NCK2: variants seen among roughly 807,000 people sequenced by gnomAD.
NCK2 encodes cytoplasmic protein NCK2.
NCK2 carries 16 observed loss-of-function variants against 33.9 expected under a neutral mutation model. The observed-to-expected ratio is 0.47, with a 90% CI of 0.32 to 0.72. The LOEUF is 0.72. Ranked by LOEUF, NCK2 falls within the 30% of genes least tolerant of loss-of-function variation. NCK2 has a pLI of 0.03. For synonymous variants in NCK2, 273 were observed against 239.9 expected, an observed-to-expected ratio of 1.14 and a Z score of -1.27; for missense variants, 418 against 537.3, an observed-to-expected ratio of 0.78 and a Z score of 2.19.
chr2:105,764,342 A>G (rs2104362240), intron 1 of NCK2, among the ~76,000 whole-genome samples: 1 of 152,378 alleles, frequency 6.6e-6, no homozygotes, highest in East Asian at 1.9e-4. Flanking sequence ...CCACAGCTCG[A>G]GTGGAAATGC....
chr2:105,850,058 G>A (rs1314091751), intron 2 of NCK2, among the ~76,000 whole-genome samples: 2 of 152,138 alleles, frequency 1.3e-5, no homozygotes, highest in Non-Finnish European at 2.9e-5. Context: ...TCTCTCCTGA[G>A]CATCAGAAGT....
chr2:105,855,314 G>A, intron 3 of NCK2, 25 bp downstream of exon 3: 1 of 1,539,276 alleles, frequency 6.5e-7, no homozygotes, highest in Non-Finnish European at 8.9e-7. Context: ...CTCGAGAGAG[G>A]AAGCCTTGTG....
At chr2:105,754,687 T>C (rs1689552386) in intron 1 of NCK2, among the ~76,000 whole-genome samples, 1 of 152,118 alleles carries the variant, frequency 6.6e-6, no homozygotes, top group Middle Eastern at 3.4e-3. Flanking sequence ...ACTTTTTTTT[T>C]TTTTTTTTAA....
intron 1 of NCK2, among the ~76,000 whole-genome samples, chr2:105,801,362 C>T (rs1674829094): frequency 1.3e-5 from 2 of 152,142 alleles, no homozygotes; most frequent in Admixed American, 1.3e-4. Flanking sequence ...GGCTTGCCTC[C>T]CCCCTTCCCC....
chr2:105,789,969 G>A (rs945422395), intron 1 of NCK2, among the ~76,000 whole-genome samples: 1 of 152,222 alleles, frequency 6.6e-6, no homozygotes, highest in Non-Finnish European at 1.5e-5. Flanking sequence ...CTGCCTGGAG[G>A]GGGCAGGGTA....
At chr2:105,856,138 A>G (rs1573209684) in intron 3 of NCK2, among the ~76,000 whole-genome samples, 2 of 152,140 alleles carry the variant, frequency 1.3e-5, no homozygotes, top group Admixed American at 1.3e-4. Context: ...CCGGCTCCCC[A>G]TGTGCCTCTT....
At chr2:105,882,691 G>T (rs1678556227) in intron 4 of NCK2, among the ~76,000 whole-genome samples, 1 of 152,130 alleles carries the variant, frequency 6.6e-6, no homozygotes, top group African/African-American at 2.4e-5. Flanking sequence ...TCAGCGGTGG[G>T]CAGGCTGGGG....
At chr2:105,826,706 A>G (rs1675958478) in intron 2 of NCK2, among the ~76,000 whole-genome samples, 1 of 152,124 alleles carries the variant, frequency 6.6e-6, no homozygotes, top group Non-Finnish European at 1.5e-5. Context: ...CTTCTCTCTC[A>G]ATTCCAAGTT....
chr2:105,855,358 G>T (rs1677217635), intron 3 of NCK2, 69 bp downstream of exon 3: 7 of 1,083,878 alleles, frequency 6.5e-6, no homozygotes, highest in Non-Finnish European at 8.6e-6. Flanking sequence ...TTTCTAGTTA[G>T]TTTGCTGTTT....
At chr2:105,832,218 T>C (rs1040058467) in intron 2 of NCK2, among the ~76,000 whole-genome samples, 2 of 152,244 alleles carry the variant, frequency 1.3e-5, no homozygotes. Context: ...TTTTTGTATG[T>C]TGATTTTAGT....
chr2:105,809,826 G>A (rs900819584), intron 1 of NCK2, among the ~76,000 whole-genome samples: 16 of 152,180 alleles, frequency 1.1e-4, no homozygotes, highest in African/African-American at 3.9e-4. Flanking sequence ...TGGAGGAGGG[G>A]CTTTTGAAGA....
At chr2:105,793,758 T>G (rs1371468586) in intron 1 of NCK2, among the ~76,000 whole-genome samples, 1 of 152,204 alleles carries the variant, frequency 6.6e-6, no homozygotes, top group East Asian at 1.9e-4. Context: ...CGTGTTCTCT[T>G]GCCACGTGCC....
At chr2:105,822,493 G>A (rs535783129) in intron 2 of NCK2, among the ~76,000 whole-genome samples, 32 of 152,130 alleles carry the variant, frequency 2.1e-4, no homozygotes, top group Admixed American at 1.5e-3. Flanking sequence ...TTCCCACAGC[G>A]CCCCTGTTCA....
At chr2:105,889,571 CTTTTT>C (rs35868906) in intron 4 of NCK2, among the ~76,000 whole-genome samples, 1 of 132,806 alleles carries the variant, frequency 7.5e-6, no homozygotes, top group Non-Finnish European at 1.6e-5. Flanking sequence ...ATTTGCATTT[CTTTTT>C]TTTTTTTTTT....
At chr2:105,830,222 C>T (rs916283315) in intron 2 of NCK2, among the ~76,000 whole-genome samples, 6 of 152,134 alleles carry the variant, frequency 3.9e-5, no homozygotes, top group African/African-American at 1.4e-4. Context: ...TCCTATTCCT[C>T]CCTCTCCCCA....
chr2:105,819,575 G>C (rs1301965981), intron 2 of NCK2, among the ~76,000 whole-genome samples: 1 of 152,192 alleles, frequency 6.6e-6, no homozygotes, highest in East Asian at 1.9e-4. Flanking sequence ...TGCTGGTTGA[G>C]AAGGTGGTGA....
intron 3 of NCK2, among the ~76,000 whole-genome samples, chr2:105,875,636 G>T (rs1371470548): frequency 1.3e-5 from 2 of 152,222 alleles, no homozygotes; most frequent in Non-Finnish European, 2.9e-5. Flanking sequence ...CTTCTGCCAT[G>T]TGAGGACACA....
intron 2 of NCK2, among the ~76,000 whole-genome samples, chr2:105,854,302 G>T (rs758663316): frequency 9.2e-5 from 14 of 152,098 alleles, no homozygotes; most frequent in Non-Finnish European, 7.4e-5. Flanking sequence ...GAGCAATTAT[G>T]AATAAAGCTG....
intron 2 of NCK2, among the ~76,000 whole-genome samples, chr2:105,819,017 T>TA (rs1195324093): frequency 2.0e-5 from 3 of 152,230 alleles, no homozygotes; most frequent in African/African-American, 7.2e-5. Context: ...CTCGTCGTGT[T>TA]ACGCTTTATG....
Sources: gnomAD v4.1 joint callset for allele counts (sites outside exome capture counted in the v4.1 genomes callset) on GRCh38, gnomAD v4.1.1 for gene constraint, MANE v1.5 for transcripts, NCBI Gene and HGNC (gene_info 2026-07-23, HGNC 2026-07-21) for gene names.